The following XIRP2 variants were observed in gnomAD, a reference collection of about 807,000 sequenced individuals.
The protein encoded by XIRP2 is xin actin-binding repeat-containing protein 2.
A neutral mutation model predicts 277.0 loss-of-function variants in XIRP2; 236 were observed. The ratio of observed to expected loss-of-function variants is 0.85; its 90% CI spans 0.77 to 0.95. XIRP2 has a LOEUF of 0.95. Ranked by LOEUF, XIRP2 falls within the 40% of genes least tolerant of loss-of-function variation. The pLI, the probability that XIRP2 is intolerant of heterozygous loss-of-function variation, is 0.00. For synonymous variants in XIRP2, 1,490 were observed against 1,416.5 expected, an observed-to-expected ratio of 1.05 and a Z score of -1.17; for missense variants, 4,640 against 4,157.5, an observed-to-expected ratio of 1.12 and a Z score of -3.19.
At chr2:167,172,328 A>G (rs1221045118) in intron 3 of XIRP2, among the ~76,000 whole-genome samples, 1 of 152,206 alleles carries the variant, frequency 6.6e-6, no homozygotes, top group South Asian at 2.1e-4. Flanking sequence ...GCAGGGCAAG[A>G]TCACAGGACC....
intron 3 of XIRP2, among the ~76,000 whole-genome samples, chr2:167,204,460 G>C (rs570398603): frequency 6.7e-4 from 102 of 152,298 alleles, no homozygotes; most frequent in African/African-American, 2.3e-3. Flanking sequence ...CACAGAGCCT[G>C]GGGCCAGATT....
chr2:167,030,019 C>T (rs1007173321), intron 2 of XIRP2, among the ~76,000 whole-genome samples: 11 of 152,068 alleles, frequency 7.2e-5, no homozygotes, highest in Non-Finnish European at 1.6e-4. Context: ...TTGTAGTATT[C>T]TCTGATGGTA....
chr2:166,994,938 G>A (rs1158947197), intron 2 of XIRP2, among the ~76,000 whole-genome samples: 3 of 149,382 alleles, frequency 2.0e-5, no homozygotes, highest in South Asian at 2.1e-4. Context: ...TTTTTTGACC[G>A]AGTCTCCATC....
intron 2 of XIRP2, among the ~76,000 whole-genome samples, chr2:167,050,816 T>C (rs1688895322): frequency 6.6e-6 from 1 of 151,872 alleles, no homozygotes; most frequent in African/African-American, 2.4e-5. Flanking sequence ...GGCACATTTT[T>C]TTTTTTTAAT....
chr2:166,944,375 G>A (rs1232701076), intron 2 of XIRP2, among the ~76,000 whole-genome samples: 2 of 152,168 alleles, frequency 1.3e-5, no homozygotes, highest in African/African-American at 4.8e-5. Flanking sequence ...AACTTGTGAT[G>A]AAAACCTGGG....
In XIRP2 at chr2:166,943,496, C is replaced by T. The variant is rs1249353936; in HGVS notation, c.408+39606C>T. Among the ~76,000 whole-genome samples the T allele has an allele frequency of 2.6e-5, 4 of 152,194 alleles. No homozygotes were observed. In the East Asian group the frequency reaches 7.7e-4, roughly 29 times the overall value. On this transcript the variant is annotated intron_variant, in intron 2 of 10. Coordinates refer to ENST00000409195, the MANE Select transcript of XIRP2 (RefSeq NM_152381.6). ...GTTGGCATTTAGAGGTTTTGTTCAT[C>T]ATATCACCACTCGTCTTCATATACA...
intron 2 of XIRP2, among the ~76,000 whole-genome samples, chr2:166,952,724 T>G (rs1157871266): frequency 6.6e-6 from 1 of 150,472 alleles, no homozygotes; most frequent in Non-Finnish European, 1.5e-5. Flanking sequence ...CTTTACTCTG[T>G]TTTTTTTTCA....
intron 2 of XIRP2, among the ~76,000 whole-genome samples, chr2:167,118,336 G>A (rs1690953422): frequency 6.6e-6 from 1 of 151,842 alleles, no homozygotes; most frequent in African/African-American, 2.4e-5. Context: ...AAAAAAATTA[G>A]CCAGGCGTGG....
intron 2 of XIRP2, among the ~76,000 whole-genome samples, chr2:167,052,517 A>C (rs1688940907): frequency 6.6e-6 from 1 of 152,172 alleles, no homozygotes; most frequent in Admixed American, 6.5e-5. Flanking sequence ...AAAAAGGATT[A>C]ACTTGAATCA....
In XIRP2 at chr2:167,239,470, G is replaced by A. The variant is rs75743974; in HGVS notation, c.859-385G>A. ...TAAGGGTCCTTAAAAGTGGAAGACA[G>A]TGTCAGTTAGATGGCAGTGTGAGAA... On this transcript the variant is annotated intron_variant, in intron 5 of 10. Coordinates refer to ENST00000409195, the MANE Select transcript of XIRP2 (RefSeq NM_152381.6). 2.7e-3 allele frequency among the ~76,000 whole-genome samples: 410 copies of A among 152,332 alleles called. 1 individual carries two copies. The highest frequency in any genetic ancestry group is 0.01 in the Middle Eastern group (3 of 294).
chr2:166,980,662 C>G (rs1311729519), intron 2 of XIRP2, among the ~76,000 whole-genome samples: 1 of 152,162 alleles, frequency 6.6e-6, no homozygotes, highest in East Asian at 1.9e-4. Context: ...AGGTTATCCA[C>G]CCACCTCAGC....
At chr2:167,070,711 G>A (rs1268022058) in intron 2 of XIRP2, among the ~76,000 whole-genome samples, 1 of 152,062 alleles carries the variant, frequency 6.6e-6, no homozygotes, top group African/African-American at 2.4e-5. Flanking sequence ...GTCTGTTGGT[G>A]GAAAGTTGGC....
chr2:167,153,878 T>C (rs1227358632), intron 3 of XIRP2, among the ~76,000 whole-genome samples: 2 of 151,252 alleles, frequency 1.3e-5, no homozygotes, highest in East Asian at 1.9e-4. Flanking sequence ...TACATGTGCA[T>C]GTGTCTTTAT....
intron 2 of XIRP2, among the ~76,000 whole-genome samples, chr2:166,918,965 TA>T (rs1684962405): frequency 6.6e-6 from 1 of 152,110 alleles, no homozygotes; most frequent in African/African-American, 2.4e-5. Context: ...TAGAAGTATG[TA>T]ATCTTTTGTC....
intron 2 of XIRP2, among the ~76,000 whole-genome samples, chr2:167,112,995 G>A (rs1216788263): frequency 6.6e-6 from 1 of 152,002 alleles, no homozygotes; most frequent in African/African-American, 2.4e-5. Context: ...CAAGAGTTTG[G>A]TTGGTATGAT....
chr2:166,978,807 C>A (rs947508749), intron 2 of XIRP2, among the ~76,000 whole-genome samples: 3 of 151,962 alleles, frequency 2.0e-5, no homozygotes, highest in Non-Finnish European at 2.9e-5. Flanking sequence ...ACAGTGAGAT[C>A]CTGTCTCTAC....
chr2:167,053,131 T>G (rs1237991401), intron 2 of XIRP2, among the ~76,000 whole-genome samples: 1 of 152,226 alleles, frequency 6.6e-6, no homozygotes, highest in Non-Finnish European at 1.5e-5. Flanking sequence ...TATGATTTTG[T>G]TAATATTATC....
chr2:167,139,437 A>C (rs972350397), intron 3 of XIRP2, among the ~76,000 whole-genome samples: 1 of 152,172 alleles, frequency 6.6e-6, no homozygotes, highest in Non-Finnish European at 1.5e-5. Flanking sequence ...TATATATTCA[A>C]AGTCACTTTT....
chr2:167,181,725 A>G (rs976605277), intron 3 of XIRP2, among the ~76,000 whole-genome samples: 2 of 152,152 alleles, frequency 1.3e-5, no homozygotes, highest in Non-Finnish European at 2.9e-5. Flanking sequence ...AATTATATTT[A>G]TAGGACAGAG....
Sources: allele counts gnomAD v4.1 joint callset (sites outside exome capture counted in the v4.1 genomes callset), GRCh38; gene constraint gnomAD v4.1.1; transcripts MANE v1.5; gene names NCBI Gene and HGNC (gene_info 2026-07-23, HGNC 2026-07-21).